Variants in SHCBP1L observed in about 807,000 individuals in gnomAD.
The protein encoded by SHCBP1L is testicular spindle-associated protein SHCBP1L.
In SHCBP1L, 67 loss-of-function variants were observed where a neutral mutation model predicts 62.5. That is an observed-to-expected ratio of 1.07 (90% confidence interval 0.88 to 1.31). The LOEUF is 1.31. SHCBP1L is among the 40% of genes most tolerant of loss of function. SHCBP1L has a pLI of 0.00. For missense variants in SHCBP1L, 823 were observed against 809.8 expected (o/e 1.02, Z -0.20); for synonymous variants, 284 against 289.4 (o/e 0.98, Z 0.19).
Position 182,951,456 on chromosome 1 carries a change from A to G in SHCBP1L, c.417T>C (p.Ala139=), listed in dbSNP as rs146296590. ...EVLQDCKAED[A]DEVMGKYLSE... is the part of the protein sequence containing the mutation. ...ATAGGTATTTACCCATAACTTCATC[A>G]GCATCTTCTGCCTAACAAGAGAAAA... Residue 139 remains alanine, a synonymous_variant, in exon 2 of 10, where the codon GCT becomes GCC. Transcript: ENST00000367547. 2.5e-6 allele frequency: 4 copies of G among 1,580,726 alleles called. No homozygotes were observed. The highest frequency in any genetic ancestry group is 3.4e-6 in the Non-Finnish European group (4 of 1,165,186).
chr1:182,903,761 T>C (rs546795082), intron 8 of SHCBP1L, among the ~76,000 whole-genome samples: 1 of 152,314 alleles, frequency 6.6e-6, no homozygotes, highest in East Asian at 1.9e-4. Flanking sequence ...CCTAAAGTGC[T>C]GGGATTACAG....
rs190043280 is a variant in SHCBP1L at position 182,944,120 on chromosome 1, C to G, written c.556-3577G>C. ...TGGGCAACAGAGCAAGACTACTTCTCAAAATAAATAAATAAATAAATAAAT... is the reference window on the plus strand; with the variant it reads ...TGGGCAACAGAGCAAGACTACTTCTGAAAATAAATAAATAAATAAATAAAT... On this transcript the variant is annotated intron_variant, in intron 2 of 9. Transcript: ENST00000367547. Among the ~76,000 whole-genome samples the G allele has an allele frequency of 2.5e-4, 8 of 32,254 alleles. No individual in the cohort carries two copies. The East Asian group carries it at 0.037, about 149-fold the overall frequency. The allele number at this position is 32,254 out of a possible 152,430, so 21.2% of individuals were successfully genotyped here. A position where few individuals can be genotyped will look rare whatever the true frequency, so the allele number is the denominator to read the frequency against.
At chr1:182,941,461 A>C (rs1651363422) in intron 2 of SHCBP1L, among the ~76,000 whole-genome samples, 1 of 152,030 alleles carries the variant, frequency 6.6e-6, no homozygotes, top group Non-Finnish European at 1.5e-5. Flanking sequence ...TTGGAAGCAA[A>C]TTTTCTTTAA....
chr1:182,922,200 G>T (rs1285152847), intron 6 of SHCBP1L, among the ~76,000 whole-genome samples: 2 of 152,166 alleles, frequency 1.3e-5, no homozygotes, highest in African/African-American at 4.8e-5. Context: ...CAACAGTGGT[G>T]CAAGACTTCA....
chr1:182,948,536 G>A (rs2101960457), intron 2 of SHCBP1L, among the ~76,000 whole-genome samples: 1 of 152,270 alleles, frequency 6.6e-6, no homozygotes, highest in Non-Finnish European at 1.5e-5. Context: ...GGTTAAAAAA[G>A]GCCAGGAAAC....
At chr1:182,904,743 C>T (rs1026487925) in intron 7 of SHCBP1L, among the ~76,000 whole-genome samples, 4 of 147,878 alleles carry the variant, frequency 2.7e-5, no homozygotes, top group South Asian at 2.1e-4. Context: ...ATAGTACATA[C>T]ATAACTATAG....
intron 5 of SHCBP1L, among the ~76,000 whole-genome samples, 197 bp from the exon 6 acceptor site, chr1:182,929,949 A>C (rs1650904952): frequency 6.6e-6 from 1 of 152,144 alleles, no homozygotes; most frequent in East Asian, 1.9e-4. Flanking sequence ...TAAATCCTTA[A>C]ACTCTAAAAT....
At chr1:182,902,023 C>T (rs1168265298) in intron 9 of SHCBP1L, among the ~76,000 whole-genome samples, 1 of 150,894 alleles carries the variant, frequency 6.6e-6, no homozygotes, top group Non-Finnish European at 1.5e-5. Flanking sequence ...TGCTATTTAC[C>T]ATTTGTACCT....
In SHCBP1L at chr1:182,900,037, A is replaced by G. The variant is rs1031384159; in HGVS notation, c.1908T>C (p.Asn636=). Residue 636 remains asparagine (N), a synonymous_variant, in exon 10 of 10, where the codon AAT becomes AAC. Transcript: ENST00000367547. ...KVMQNLNLEM[N]NNKIEANVKG... ...TGACGTTTGCTTCTATCTTATTATT[A>G]TTCATTTCCAGATTCAGATTTTGCA... 1.7e-5 allele frequency: 28 copies of G among 1,613,246 alleles called. No homozygotes were observed. Among genetic ancestry groups the G allele is most frequent in the Non-Finnish European group, 2.3e-5 (27 of 1,179,564 alleles).
chr1:182,914,959 G>C (rs1205305588), intron 6 of SHCBP1L, among the ~76,000 whole-genome samples: 1 of 151,792 alleles, frequency 6.6e-6, no homozygotes, highest in Non-Finnish European at 1.5e-5. Flanking sequence ...CATGAGGTCA[G>C]GAATTTGAGA....
chr1:182,910,661 A>G (rs945630677), intron 6 of SHCBP1L, among the ~76,000 whole-genome samples: 1 of 152,204 alleles, frequency 6.6e-6, no homozygotes, highest in African/African-American at 2.4e-5. Context: ...CAGTAGTGAA[A>G]TGCACATGCA....
chr1:182,909,633 G>C (rs1650117579), intron 6 of SHCBP1L, among the ~76,000 whole-genome samples: 1 of 152,156 alleles, frequency 6.6e-6, no homozygotes, highest in South Asian at 2.1e-4. Flanking sequence ...ATGAAAATCT[G>C]AGTATATGGA....
chr1:182,929,501 A>G (rs1650890650), intron 6 of SHCBP1L, 146 bp downstream of exon 6: 1 of 482,202 alleles, frequency 2.1e-6, no homozygotes, highest in Admixed American at 4.1e-5. Context: ...TTTATTTAGT[A>G]TCTATTATAT....
Position 182,951,345 on chromosome 1 carries a change from A to G in SHCBP1L, c.528T>C (p.Ser176=). 6.3e-7 allele frequency: 1 copy of G among 1,591,898 alleles called. No individual in the cohort carries two copies. The highest frequency in any genetic ancestry group is 8.5e-7 in the Non-Finnish European group (1 of 1,170,408). ...CAACCAATATACCAACAAAAGGGAT[A>G]GAAGCTTCTTCATATTTCACAAAGA... ...SVFFVKYEEA[S]IPFVGILVEV... Residue 176 remains serine (S), a synonymous_variant, in exon 2 of 10, where the codon TCT becomes TCC. Transcript: ENST00000367547.
intron 2 of SHCBP1L, among the ~76,000 whole-genome samples, chr1:182,949,775 C>T (rs1350118702): frequency 6.6e-6 from 1 of 150,850 alleles, no homozygotes; most frequent in African/African-American, 2.4e-5. Context: ...TTAACTAATC[C>T]CAATAATCTT....
intron 6 of SHCBP1L, among the ~76,000 whole-genome samples, chr1:182,915,161 C>CAAAAAAAAAAAAA (rs371432299): frequency 2.2e-4 from 7 of 31,904 alleles, no homozygotes; most frequent in Non-Finnish European, 2.8e-4. Flanking sequence ...GACTCTGTCT[C>CAAAAAAAAAAAAA]AAAAAAAAAA....
intron 6 of SHCBP1L, among the ~76,000 whole-genome samples, chr1:182,924,695 G>T (rs1234499059): frequency 1.3e-5 from 1 of 76,856 alleles, no homozygotes; most frequent in East Asian, 3.0e-4. Flanking sequence ...GGAAAGGAAA[G>T]GAAAGGAAGA....
Position 182,919,190 on chromosome 1 carries a change from T to C in SHCBP1L, c.1182+10457A>G, listed in dbSNP as rs147654442. On this transcript the variant is annotated intron_variant, in intron 6 of 9. Coordinates refer to ENST00000367547, the MANE Select transcript of SHCBP1L (RefSeq NM_030933.4). ...TGCTGTATAACAGAATGCTACAGAC[T>C]GTGTAATTTATAAAATAAATTTATT... 5.9e-5 allele frequency among the ~76,000 whole-genome samples: 9 copies of C among 152,364 alleles called. No homozygotes were observed. In the East Asian group the frequency reaches 1.7e-3, roughly 29 times the overall value.
intron 5 of SHCBP1L, among the ~76,000 whole-genome samples, chr1:182,932,774 CG>C (rs1558000293): frequency 2.4e-4 from 37 of 152,240 alleles, no homozygotes; most frequent in Non-Finnish European, 4.3e-4. Context: ...GGATTACAGG[CG>C]TGAGCCATCC....
Sources: gnomAD v4.1 joint callset for allele counts (sites outside exome capture counted in the v4.1 genomes callset) on GRCh38, gnomAD v4.1.1 for gene constraint, MANE v1.5 for transcripts, NCBI Gene and HGNC (gene_info 2026-07-23, HGNC 2026-07-21) for gene names.